IGLL5: variants seen among roughly 807,000 people sequenced by gnomAD.
The protein encoded by IGLL5 is immunoglobulin lambda-like polypeptide 5.
IGLL5 carries 30 observed loss-of-function variants against 20.9 expected under a neutral mutation model. The observed-to-expected ratio is 1.44, with a 90% CI of 1.07 to 1.95. The LOEUF (loss-of-function observed/expected upper bound fraction) is 1.95. Among genes scored for constraint, IGLL5 ranks in the 30% most tolerant of loss-of-function variants. The probability of loss-of-function intolerance (pLI) is 0.00; values close to 1 mark genes in which losing one functional copy is unlikely to be tolerated. For missense variants in IGLL5, 475 were observed against 270.7 expected, an observed-to-expected ratio of 1.75 and a Z score of -5.30; for synonymous variants, 203 against 117.3, an observed-to-expected ratio of 1.73 and a Z score of -4.72.
chr22:22,888,740 A>T (rs192879700), intron 1 of IGLL5, among the ~76,000 whole-genome samples: 2 of 151,346 alleles, frequency 1.3e-5, no homozygotes, highest in South Asian at 2.1e-4. Context: ...TCTGTTCACC[A>T]ACTTGCACAT....
rs566545952 is a variant in IGLL5, at chr22:22,889,716, T to A, written c.206+1457T>A. On this transcript the variant is annotated intron_variant, in intron 1 of 2. Coordinates refer to ENST00000526893, the MANE Select transcript of IGLL5 (RefSeq NM_001178126.2). ...GATCCTCCAGCCTCAGCCTCCTGAG[T>A]AGCTAGGACTACAGATGCAGGCCAC... Among the ~76,000 whole-genome samples, 165 of 151,282 alleles carry A rather than the reference T, an allele frequency of 1.1e-3. 6 individuals carry two copies. The South Asian group carries it at 0.033, about 31-fold the overall frequency.
Position 22,888,220 on chromosome 22 carries a change from T to C in IGLL5, c.167T>C (p.Val56Ala), listed in dbSNP as rs189360394. Reference sequence around the variant, plus strand: ...GGGGACCCAGACCCTGGAGCCTCAGTTGGAAGCAGCCGATCCAGCCTGCGG... The same window carrying C: ...GGGGACCCAGACCCTGGAGCCTCAGCTGGAAGCAGCCGATCCAGCCTGCGG... The part of the protein sequence containing the change: ...QSGDPDPGAS[V>A]GSSRSSLRSL... The change falls in exon 1 of 3, where the codon GTT becomes GCT. Residue 56 changes from valine to alanine, a missense_variant. Transcript: ENST00000526893. 8.4e-6 allele frequency: 13 copies of C among 1,548,202 alleles called. No individual in the cohort carries two copies. Among genetic ancestry groups the C allele is most frequent in the Admixed American group, 5.9e-5 (3 of 50,766 alleles).
chr22:22,893,909 C>T (rs2067945978), intron 2 of IGLL5, 91 bp downstream of exon 2: 1 of 897,462 alleles, frequency 1.1e-6, no homozygotes, highest in Admixed American at 1.8e-5. Flanking sequence ...TCCCCTCTGT[C>T]CTCCCAGCCT....
rs3029157 is a variant in IGLL5, at chr22:22,890,553, TTGTGTGTGTGTG to T, written c.206+2330_206+2341del. ...TGACAAATGATGCTGCAGTGGAAAT[TTGTGTGTGTGTG>T]TGTGTGTGTGTGTGTGTGTGTGTGT... On this transcript the variant is annotated intron_variant, in intron 1 of 2. Coordinates refer to ENST00000526893, the MANE Select transcript of IGLL5 (RefSeq NM_001178126.2). Among the ~76,000 whole-genome samples, 925 of 120,966 alleles carry T rather than the reference TTGTGTGTGTGTG, an allele frequency of 7.6e-3. 4 individuals are homozygous for T. The highest frequency in any genetic ancestry group is 0.04 in the East Asian group (140 of 3,542). The allele number at this position is 120,966 out of a possible 152,430, so 79.4% of individuals were successfully genotyped here.
chr22:22,889,894 C>A (rs556595088), intron 1 of IGLL5, among the ~76,000 whole-genome samples: 2 of 151,380 alleles, frequency 1.3e-5, no homozygotes, highest in Admixed American at 1.3e-4. Flanking sequence ...CTGCACCTGA[C>A]CCAACTGTGT....
intron 1 of IGLL5, among the ~76,000 whole-genome samples, chr22:22,889,289 G>C (rs2067704593): frequency 6.6e-6 from 1 of 151,146 alleles, no homozygotes; most frequent in East Asian, 2.0e-4. Context: ...GGAGCATGAA[G>C]TTGAAGTGAG....
At chr22:22,894,768 A>G (rs1601628519) in intron 2 of IGLL5, among the ~76,000 whole-genome samples, 3 of 151,216 alleles carry the variant, frequency 2.0e-5, no homozygotes, top group Middle Eastern at 3.7e-3. Context: ...TGGAGACAGG[A>G]AACATCTCAG....
intron 2 of IGLL5, 123 bp from the exon 3 acceptor site, chr22:22,895,252 G>C (rs2066735330): frequency 2.3e-6 from 2 of 870,732 alleles, no homozygotes; most frequent in African/African-American, 1.7e-5. Context: ...GAAGAGGAGA[G>C]AACCCCGGGT....
At chr22:22,888,549 T>G (rs142182351) in intron 1 of IGLL5, among the ~76,000 whole-genome samples, 6 of 151,316 alleles carry the variant, frequency 4.0e-5, no homozygotes, top group South Asian at 4.2e-4. Flanking sequence ...GTCCTCTGGG[T>G]AGGGAAGGAA....
chr22:22,888,482 G>A (rs188255731), intron 1 of IGLL5, among the ~76,000 whole-genome samples: 8 of 151,370 alleles, frequency 5.3e-5, no homozygotes, highest in South Asian at 2.1e-4. Context: ...TGATTTCTGA[G>A]TTTTCTGGCG....
At chr22:22,894,165 G>C (rs566424763) in intron 2 of IGLL5, among the ~76,000 whole-genome samples, 2 of 151,516 alleles carry the variant, frequency 1.3e-5, no homozygotes, top group Admixed American at 6.6e-5. Context: ...GACTCCTGGG[G>C]TCAAGGACAG....
chr22:22,893,638 C>A, intron 1 of IGLL5, 62 bp from the exon 2 acceptor site: 2 of 1,038,510 alleles, frequency 1.9e-6, no homozygotes, highest in Non-Finnish European at 1.4e-6. Context: ...TGGCCACCCC[C>A]CTGCCTCATG....
At chr22:22,895,091 G>A (rs976921731) in intron 2 of IGLL5, among the ~76,000 whole-genome samples, 1 of 151,468 alleles carries the variant, frequency 6.6e-6, no homozygotes, top group Non-Finnish European at 1.5e-5. Context: ...AGAGAAGAAG[G>A]AACACAGCCT....
intron 2 of IGLL5, among the ~76,000 whole-genome samples, chr22:22,894,948 A>C (rs538997387): frequency 6.6e-6 from 1 of 151,440 alleles, no homozygotes; most frequent in African/African-American, 2.4e-5. Context: ...CTACAGGATG[A>C]GCAGGGGACC....
At position 22,888,183 on chromosome 22, in the gene IGLL5, G is replaced by T. The variant is rs749763264; in HGVS notation, c.130G>T (p.Ala44Ser). 1.9e-6 allele frequency: 3 copies of T among 1,548,900 alleles called. No individual in the cohort carries two copies. Among genetic ancestry groups the T allele is most frequent in the East Asian group, 2.5e-5 (1 of 40,612 alleles). Residue 44 changes from alanine to serine, a missense_variant, in exon 1 of 3, where the codon GCA becomes TCA. Transcript: ENST00000526893. ...VAHGLLRPMV[A>S]PQSGDPDPGA... ...CCATGGCCTGCTGCGCCCAATGGTT[G>T]CACCGCAAAGCGGGGACCCAGACCC...
rs1278887039 is a variant in IGLL5, at chr22:22,887,953, G to T, written c.-101G>T. On this transcript the variant is annotated 5_prime_UTR_variant, in exon 1 of 3. Transcript: ENST00000526893. ...GAGAGGACAGAGCCAATGGACTGGG[G>T]TGTACTGTAACAGCCCTGCTGGCGA... The T allele has an allele frequency of 6.6e-6, 6 of 909,944 alleles. No individual in the cohort carries two copies. The highest frequency in any genetic ancestry group is 1.7e-5 in the African/African-American group (1 of 60,392). 56.4% of individuals were successfully genotyped at this position (909,944 alleles called of 1,614,324 possible). A position where few individuals can be genotyped will look rare whatever the true frequency, so the allele number is the denominator to read the frequency against.
chr22:22,890,159 T>C (rs1238235377), intron 1 of IGLL5, among the ~76,000 whole-genome samples: 2 of 146,514 alleles, frequency 1.4e-5, no homozygotes, highest in African/African-American at 5.3e-5. Context: ...TACTCTTTTT[T>C]CTTGCCAAAA....
chr22:22,891,650 G>C (rs1470226298), intron 1 of IGLL5, among the ~76,000 whole-genome samples: 2 of 151,228 alleles, frequency 1.3e-5, no homozygotes. Flanking sequence ...TTTTTGTTCA[G>C]AGACATGATG....
rs1237737356 is a variant in IGLL5 at position 22,895,844 on chromosome 22, A to C, written c.*150A>C. The C allele has an allele frequency of 1.2e-5, 10 of 804,524 alleles. No homozygotes were observed. The East Asian group carries it at 2.7e-4, about 21-fold the overall frequency. 49.8% of individuals were successfully genotyped at this position (804,524 alleles called of 1,614,324 possible). A position where few individuals can be genotyped will look rare whatever the true frequency, so the allele number is the denominator to read the frequency against. On this transcript the variant is annotated 3_prime_UTR_variant, in exon 3 of 3. Transcript: ENST00000526893. ...CATTGACAACCAGAAATCTTGTTTT[A>C]TCTCATTTTTTTTCTCACATAAATT...
Sources: gnomAD v4.1 joint callset for allele counts (sites outside exome capture counted in the v4.1 genomes callset) on GRCh38, gnomAD v4.1.1 for gene constraint, MANE v1.5 for transcripts, NCBI Gene and HGNC (gene_info 2026-07-23, HGNC 2026-07-21) for gene names.